BRINP3: variants seen among roughly 807,000 people sequenced by gnomAD.
BRINP3 encodes the protein BMP/retinoic acid-inducible neural-specific protein 3.
In BRINP3, 19 loss-of-function variants were observed where a neutral mutation model predicts 71.0. That is an observed-to-expected ratio of 0.27 (90% CI 0.19 to 0.39). BRINP3 has a LOEUF of 0.39. BRINP3 is among the 10% of genes least tolerant of loss of function. The probability of loss-of-function intolerance (pLI) is 1.00; values close to 1 mark genes in which losing one functional copy is unlikely to be tolerated. For missense variants in BRINP3, 959 were observed against 940.8 expected (o/e 1.02, Z -0.25); for synonymous variants, 380 against 337.7 (o/e 1.13, Z -1.37).
At chr1:190,345,136 A>G (rs78410533) in intron 2 of BRINP3, among the ~76,000 whole-genome samples, 19,206 of 151,752 alleles carry the variant, frequency 0.13, 1,559 homozygotes, top group South Asian at 0.26. Flanking sequence ...TATCAGATCT[A>G]CTGTAAAAGT....
chr1:190,326,629 A>C (rs553301325), intron 2 of BRINP3, among the ~76,000 whole-genome samples: 3 of 152,214 alleles, frequency 2.0e-5, no homozygotes, highest in African/African-American at 7.2e-5. Flanking sequence ...AAGTCAGGAG[A>C]GATTTGGGGG....
chr1:190,354,498 C>G (rs1006103131), intron 2 of BRINP3, among the ~76,000 whole-genome samples: 1 of 151,876 alleles, frequency 6.6e-6, no homozygotes, highest in African/African-American at 2.4e-5. Flanking sequence ...TAAATGCATA[C>G]TAAATGAATG....
At chr1:190,431,178 T>C (rs1674074495) in intron 2 of BRINP3, among the ~76,000 whole-genome samples, 1 of 152,134 alleles carries the variant, frequency 6.6e-6, no homozygotes, top group Non-Finnish European at 1.5e-5. Flanking sequence ...TCCAGAAATG[T>C]AATGAAAATT....
intron 6 of BRINP3, among the ~76,000 whole-genome samples, chr1:190,216,224 TTGTCTAAGTAA>T (rs1209438673): frequency 6.6e-6 from 1 of 151,780 alleles, no homozygotes; most frequent in Non-Finnish European, 1.5e-5. Context: ...TGGGTAGACA[TTGTCTAAGTAA>T]TGTCCAACAA....
rs1444699820 is a variant in BRINP3 at position 190,132,855 on chromosome 1, T to TC, written c.1184+27812dup. Among the ~76,000 whole-genome samples, 5 of 152,234 alleles carry TC rather than the reference T, an allele frequency of 3.3e-5. No individual in the cohort carries two copies. The East Asian group carries it at 9.7e-4, about 29-fold the overall frequency. On this transcript the variant is annotated intron_variant, in intron 7 of 7. Transcript: ENST00000367462. The stretch of plus-strand genomic sequence containing the variant: ...CATAAAAGGTTTTGTGTTTTCCTTC[T>TC]CACTCTAACTTTTGGATCACTAACT...
At chr1:190,138,159 G>GGTC (rs1655131565) in intron 7 of BRINP3, among the ~76,000 whole-genome samples, 2 of 151,924 alleles carry the variant, frequency 1.3e-5, no homozygotes, top group South Asian at 4.1e-4. Context: ...TCTCCATGTT[G>GGTC]GTCAGTCTGG....
At chr1:190,472,110 T>C (rs1384265489) in intron 1 of BRINP3, among the ~76,000 whole-genome samples, 2 of 151,658 alleles carry the variant, frequency 1.3e-5, no homozygotes, top group African/African-American at 2.4e-5. Context: ...TTGAAAAATA[T>C]ATTTTGTTTT....
chr1:190,325,307 G>T lies in BRINP3; in HGVS notation c.237-43557C>A, dbSNP rs777995750. ...TCAAGAGAGGATTAAGCTCAGAAAA[G>T]TAAGCAAGAACTTAGCTACTTTACA... On this transcript the variant is annotated intron_variant, in intron 2 of 7. Coordinates refer to ENST00000367462, the MANE Select transcript of BRINP3 (RefSeq NM_199051.3). Among the ~76,000 whole-genome samples, 19 of 151,968 alleles carry T rather than the reference G, an allele frequency of 1.3e-4. 1 individual carries two copies. The highest frequency in any genetic ancestry group is 2.5e-4 in the Non-Finnish European group (17 of 67,938).
At chr1:190,442,736 CGTGT>C (rs35322332) in intron 2 of BRINP3, among the ~76,000 whole-genome samples, 47 of 149,036 alleles carry the variant, frequency 3.2e-4, no homozygotes, top group Middle Eastern at 3.5e-3. Flanking sequence ...CATGCCTGTG[CGTGT>C]GTGTGTGTAT....
At chr1:190,457,890 C>G (rs1056843823) in intron 1 of BRINP3, among the ~76,000 whole-genome samples, 1 of 150,430 alleles carries the variant, frequency 6.6e-6, no homozygotes, top group Non-Finnish European at 1.5e-5. Context: ...ATGTGTTGAG[C>G]TTGTTTCATA....
chr1:190,329,546 G>T (rs531880631), intron 2 of BRINP3, among the ~76,000 whole-genome samples: 2 of 151,932 alleles, frequency 1.3e-5, no homozygotes, highest in South Asian at 4.1e-4. Flanking sequence ...AGAAACAAAT[G>T]AAAAAACATT....
intron 7 of BRINP3, among the ~76,000 whole-genome samples, chr1:190,158,335 T>C (rs1396549181): frequency 1.3e-5 from 2 of 152,090 alleles, no homozygotes; most frequent in African/African-American, 2.4e-5. Context: ...TGTAAGTCCA[T>C]TAAACCTCTT....
At chr1:190,375,197 C>T (rs951768763) in intron 2 of BRINP3, among the ~76,000 whole-genome samples, 2 of 151,856 alleles carry the variant, frequency 1.3e-5, no homozygotes, top group Non-Finnish European at 2.9e-5. Flanking sequence ...TCATCTCACA[C>T]TAAGAAACGC....
Position 190,134,113 on chromosome 1 carries a change from A to G in BRINP3, c.1184+26555T>C, listed in dbSNP as rs190008178. On this transcript the variant is annotated intron_variant, in intron 7 of 7. Coordinates refer to ENST00000367462, the MANE Select transcript of BRINP3 (RefSeq NM_199051.3). ...AACAGGAAAATTTTAAGAAAGCGTT[A>G]AGTGCTGTGAAATGATTAAGGGTGT... 2.0e-5 allele frequency among the ~76,000 whole-genome samples: 3 copies of G among 152,216 alleles called. No homozygotes were observed. In the East Asian group the frequency reaches 5.8e-4, roughly 29 times the overall value.
chr1:190,197,182 C>A (rs576672859), intron 6 of BRINP3, among the ~76,000 whole-genome samples: 3 of 151,148 alleles, frequency 2.0e-5, no homozygotes, highest in African/African-American at 7.2e-5. Context: ...ATAAAACCAT[C>A]AGATCTGATG....
At chr1:190,313,459 G>T (rs1665668591) in intron 2 of BRINP3, among the ~76,000 whole-genome samples, 1 of 152,026 alleles carries the variant, frequency 6.6e-6, no homozygotes, top group African/African-American at 2.4e-5. Context: ...ATTTAAATTT[G>T]TATTTAGTAG....
At chr1:190,308,993 C>A (rs1665325704) in intron 2 of BRINP3, among the ~76,000 whole-genome samples, 2 of 151,726 alleles carry the variant, frequency 1.3e-5, no homozygotes, top group African/African-American at 4.8e-5. Context: ...TATTTGTATA[C>A]CCATGTTCAT....
rs940315908 is a variant in BRINP3, at chr1:190,258,491, GA to G, written c.618+6373del. Among the ~76,000 whole-genome samples, 21 of 144,278 alleles carry G rather than the reference GA, an allele frequency of 1.5e-4. No homozygotes were observed. The South Asian group carries it at 2.8e-3, about 20-fold the overall frequency. 94.7% of individuals were successfully genotyped at this position (144,278 alleles called of 152,430 possible). ...ATTCTTGGAAAAGATCAACGAAGTT[GA>G]AAAAAAAGTTTACCTTGATTGATCA... On this transcript the variant is annotated intron_variant, in intron 4 of 7. Transcript: ENST00000367462.
intron 2 of BRINP3, among the ~76,000 whole-genome samples, chr1:190,424,551 G>C (rs904115146): frequency 6.6e-6 from 1 of 151,632 alleles, no homozygotes; most frequent in South Asian, 2.1e-4. Flanking sequence ...TAGTGGCTTA[G>C]TATAACATCC....
Sources: allele counts gnomAD v4.1 joint callset (sites outside exome capture counted in the v4.1 genomes callset), GRCh38; gene constraint gnomAD v4.1.1; transcripts MANE v1.5; gene names NCBI Gene and HGNC (gene_info 2026-07-23, HGNC 2026-07-21).